The following CDHR3 variants were observed in gnomAD, a reference collection of about 807,000 sequenced individuals.
CDHR3 encodes cadherin-related family member 3.
Under a neutral mutation model 86.6 loss-of-function variants are expected in CDHR3, and 79 were observed. The ratio of observed to expected loss-of-function variants is 0.91; its 90% CI spans 0.76 to 1.10. CDHR3 has a LOEUF of 1.10. CDHR3 is among the 50% of genes least tolerant of loss of function. The pLI, the probability that CDHR3 is intolerant of heterozygous loss-of-function variation, is 0.00. For missense variants in CDHR3, 1,081 were observed against 1,077.6 expected (o/e 1.00, Z -0.04); for synonymous variants, 421 against 402.4 (o/e 1.05, Z -0.55).
chr7:106,029,222 C>G (rs1389738400), intron 17 of CDHR3, among the ~76,000 whole-genome samples: 1 of 152,122 alleles, frequency 6.6e-6, no homozygotes, highest in Non-Finnish European at 1.5e-5. Flanking sequence ...CTCAAGTGAT[C>G]CACCCACTGT....
At chr7:105,996,436 A>T (rs368906068) in intron 6 of CDHR3, 82 bp downstream of exon 6, 1 of 728,672 alleles carries the variant, frequency 1.4e-6, no homozygotes, top group Non-Finnish European at 2.4e-6. Flanking sequence ...CACATTTAAT[A>T]CAAGGCAGAG....
chr7:105,983,947 A>T (rs1276613112), intron 3 of CDHR3, among the ~76,000 whole-genome samples: 2 of 152,120 alleles, frequency 1.3e-5, no homozygotes, highest in Non-Finnish European at 2.9e-5. Flanking sequence ...GGCACCTCTC[A>T]ACAGAGGACA....
At chr7:105,964,014 T>C (rs546432924) in intron 1 of CDHR3, among the ~76,000 whole-genome samples, 1 of 152,324 alleles carries the variant, frequency 6.6e-6, no homozygotes, top group Non-Finnish European at 1.5e-5. Flanking sequence ...AATTTGCAAA[T>C]TAATTTAGGG....
intron 1 of CDHR3, among the ~76,000 whole-genome samples, chr7:105,965,436 T>C (rs945368343): frequency 6.6e-6 from 1 of 152,148 alleles, no homozygotes; most frequent in Non-Finnish European, 1.5e-5. Context: ...ATTGCGCCAT[T>C]GCACTCCAGC....
At position 105,986,649 on chromosome 7, in the gene CDHR3, G is replaced by A. The variant is rs141475965; in HGVS notation, c.513+2360G>A. Reference sequence around the variant, plus strand: ...GAAGAATGGGCAGTCGTGTAGAATCGTAACTGGACAAAAAGGGGTATGACA... The same window carrying A: ...GAAGAATGGGCAGTCGTGTAGAATCATAACTGGACAAAAAGGGGTATGACA... On this transcript the variant is annotated intron_variant, in intron 4 of 18. Coordinates refer to ENST00000317716, the MANE Select transcript of CDHR3 (RefSeq NM_152750.5). Among the ~76,000 whole-genome samples the A allele has an allele frequency of 1.9e-3, 282 of 152,180 alleles. 2 individuals are homozygous for A. Among genetic ancestry groups the A allele is most frequent in the African/African-American group, 6.0e-3 (249 of 41,522 alleles).
At chr7:106,018,461 C>T (rs1455716421) in intron 12 of CDHR3, among the ~76,000 whole-genome samples, 1 of 152,176 alleles carries the variant, frequency 6.6e-6, no homozygotes, top group African/African-American at 2.4e-5. Flanking sequence ...GTCTCGAACT[C>T]CTGACCTCAA....
At chr7:105,992,413 G>A (rs2115737053) in intron 4 of CDHR3, among the ~76,000 whole-genome samples, 1 of 152,346 alleles carries the variant, frequency 6.6e-6, no homozygotes, top group East Asian at 1.9e-4. Context: ...CTGTGTGTGG[G>A]CAACTTCAGG....
intron 1 of CDHR3, 21 bp from the exon 2 acceptor site, chr7:105,974,823 T>C (rs1449299669): frequency 4.4e-6 from 7 of 1,601,218 alleles, no homozygotes; most frequent in Non-Finnish European, 4.3e-6. Context: ...CATGTCATCC[T>C]GCACCCTTTT....
intron 1 of CDHR3, among the ~76,000 whole-genome samples, chr7:105,968,851 G>A (rs551507178): frequency 2.7e-4 from 41 of 152,260 alleles, no homozygotes; most frequent in Non-Finnish European, 4.1e-4. Context: ...CACTTTGGGA[G>A]GCTGAGACGG....
At position 106,015,158 on chromosome 7, in the gene CDHR3, C is replaced by T. The variant is rs774499099; in HGVS notation, c.1272C>T (p.Gly424=). The T allele has an allele frequency of 6.2e-7, 1 of 1,611,624 alleles. No homozygotes were observed. The highest frequency in any genetic ancestry group is 8.5e-7 in the Non-Finnish European group (1 of 1,179,000). Residue 424 remains glycine, a synonymous_variant, in exon 10 of 19, where the codon GGC becomes GGT. Coordinates refer to ENST00000317716, the MANE Select transcript of CDHR3 (RefSeq NM_152750.5). ...DYENPSNLAA[G]NKYTVIIQVQ... Reference sequence around the variant, plus strand: ...AAAATCCAAGTAACCTAGCAGCCGGCAATAAATATACGGTGATAATCCAGG... The same window carrying T: ...AAAATCCAAGTAACCTAGCAGCCGGTAATAAATATACGGTGATAATCCAGG...
chr7:105,987,025 C>A (rs1830622610), intron 4 of CDHR3, among the ~76,000 whole-genome samples: 1 of 152,168 alleles, frequency 6.6e-6, no homozygotes, highest in South Asian at 2.1e-4. Flanking sequence ...GTTGTGAAGA[C>A]AAACATATAT....
chr7:106,013,099 C>A, intron 9 of CDHR3, 68 bp downstream of exon 9: 3 of 1,417,020 alleles, frequency 2.1e-6, no homozygotes, highest in East Asian at 2.4e-5. Flanking sequence ...CATGCTTTTG[C>A]TGCCCCATAG....
At chr7:106,015,053 C>T (rs1202941870) in intron 9 of CDHR3, 58 bp from the exon 10 acceptor site, 5 of 1,377,390 alleles carry the variant, frequency 3.6e-6, no homozygotes, top group Non-Finnish European at 4.0e-6. Context: ...ATGTCTCTCG[C>T]AGCCCAATAA....
Position 106,032,529 on chromosome 7 carries a change from G to A in CDHR3, c.2490G>A (p.Met830Ile). The A allele has an allele frequency of 6.2e-7, 1 of 1,613,990 alleles. No homozygotes were observed. The highest frequency in any genetic ancestry group is 8.5e-7 in the Non-Finnish European group (1 of 1,179,876). ...APRRVTAGEG[M>I]GSLRSANWEE... ...GCAGAGTCACTGCTGGGGAAGGGAT[G>A]GGGTCACTGAGAAGTGCCAACTGGG... is the stretch of plus-strand genomic sequence containing the variant. The change falls in exon 19 of 19, where the codon ATG (methionine) becomes ATA (isoleucine). Residue 830 changes from methionine (M) to isoleucine (I), a missense_variant. Physicochemically the swap from Met to Ile is conservative, Grantham distance 10. Coordinates refer to ENST00000317716, the MANE Select transcript of CDHR3 (RefSeq NM_152750.5).
intron 14 of CDHR3, 72 bp downstream of exon 14, chr7:106,022,520 G>A: frequency 6.4e-7 from 1 of 1,563,178 alleles, no homozygotes. Context: ...TCTTTCCCCG[G>A]CCTGGAGGTA....
intron 13 of CDHR3, among the ~76,000 whole-genome samples, chr7:106,021,957 C>T (rs958410622): frequency 6.6e-6 from 1 of 152,204 alleles, no homozygotes; most frequent in African/African-American, 2.4e-5. Flanking sequence ...TTGTCCTTTT[C>T]TACTCAGCCT....
intron 4 of CDHR3, 128 bp from the exon 5 acceptor site, chr7:105,994,623 A>G (rs373051177): frequency 5.1e-5 from 36 of 700,898 alleles, no homozygotes; most frequent in East Asian, 4.3e-4. Context: ...TGCTCTTTGA[A>G]CCGCATCCTG....
intron 17 of CDHR3, among the ~76,000 whole-genome samples, chr7:106,028,936 C>CTTTCTTTCTTTCTTTCTTTCTTTT (rs1837849229): frequency 5.8e-5 from 6 of 102,600 alleles, no homozygotes; most frequent in Non-Finnish European, 8.2e-5. Context: ...TTCTTTCTTT[C>CTTTCTTTCTTTCTTTCTTTCTTTT]TTTCTTTCTT....
In CDHR3 at chr7:106,018,050, A is replaced by G. The variant is rs1309061941; in HGVS notation, c.1631A>G (p.Asn544Ser). Reference protein sequence around the residue: ...IYILRIQATNNEDTSSVTVTV... With the variant: ...IYILRIQATNSEDTSSVTVTV... ...ATTCTCAGAATCCAGGCCACCAACA[A>G]CGAAGACACAAGCTCTGTCACTGTG... Residue 544 changes from asparagine to serine, a missense_variant, in exon 12 of 19, where the codon AAC (asparagine) becomes AGC (serine). Asn to Ser is a conservative substitution (Grantham distance 46). Transcript: ENST00000317716. The G allele has an allele frequency of 6.2e-7, 1 of 1,613,726 alleles. No homozygotes were observed. Among genetic ancestry groups the G allele is most frequent in the Admixed American group, 1.7e-5 (1 of 60,028 alleles).
Sources: gnomAD v4.1 joint callset for allele counts (sites outside exome capture counted in the v4.1 genomes callset) on GRCh38, gnomAD v4.1.1 for gene constraint, MANE v1.5 for transcripts, NCBI Gene and HGNC (gene_info 2026-07-23, HGNC 2026-07-21) for gene names.